TTC17: variants seen among roughly 807,000 people sequenced by gnomAD.
The protein encoded by TTC17 is tetratricopeptide repeat domain 17, also known as tetratricopeptide repeat protein 17.
In TTC17, 58 loss-of-function variants were observed where a neutral mutation model predicts 143.8. That is an observed-to-expected ratio of 0.40 (90% CI 0.33 to 0.50). The LOEUF is 0.50. TTC17 is among the 20% of genes least tolerant of loss of function. The pLI, the probability that TTC17 is intolerant of heterozygous loss-of-function variation, is 0.49. For missense variants in TTC17, 1,273 were observed against 1,392.5 expected (o/e 0.91, Z 1.37); for synonymous variants, 501 against 497.8 (o/e 1.01, Z -0.09).
At chr11:43,375,322 T>C (rs1029444703) in intron 1 of TTC17, among the ~76,000 whole-genome samples, 5 of 152,298 alleles carry the variant, frequency 3.3e-5, no homozygotes, top group African/African-American at 1.2e-4. Flanking sequence ...GAGGTGCTTT[T>C]GCCACAGGGG....
intron 21 of TTC17, among the ~76,000 whole-genome samples, chr11:43,481,649 T>A (rs1232258332): frequency 2.0e-5 from 3 of 152,184 alleles, no homozygotes; most frequent in Non-Finnish European, 4.4e-5. Flanking sequence ...CTAAATTGTT[T>A]ATTGGCAGAA....
chr11:43,386,453 G>A (rs1857173187), intron 2 of TTC17, among the ~76,000 whole-genome samples: 1 of 152,178 alleles, frequency 6.6e-6, no homozygotes, highest in Non-Finnish European at 1.5e-5. Context: ...CAGTAAAAAT[G>A]TGGTATTATA....
At chr11:43,411,505 C>T (rs1858412076) in intron 15 of TTC17, among the ~76,000 whole-genome samples, 2 of 152,080 alleles carry the variant, frequency 1.3e-5, no homozygotes, top group Non-Finnish European at 2.9e-5. Flanking sequence ...CTGACATCCC[C>T]ACACTGGACT....
At chr11:43,397,204 A>G in intron 6 of TTC17, 143 bp from the exon 7 acceptor site, 2 of 892,644 alleles carry the variant, frequency 2.2e-6, no homozygotes, top group Non-Finnish European at 3.3e-6. Context: ...ATTAAGAGCC[A>G]TCAATAATTT....
chr11:43,477,123 A>G (rs970480274), intron 21 of TTC17, among the ~76,000 whole-genome samples: 2 of 152,224 alleles, frequency 1.3e-5, no homozygotes, highest in East Asian at 1.9e-4. Context: ...TTGCTAAAAC[A>G]TAACAAGAGT....
chr11:43,402,819 T>TGTCTAATCGTAGATACAGAAATTTCC (rs1298923949), intron 10 of TTC17, among the ~76,000 whole-genome samples: 5 of 152,240 alleles, frequency 3.3e-5, no homozygotes, highest in Admixed American at 6.5e-5. Context: ...AAACTCATCA[T>TGTCTAATCGTAGATACAGAAATTTCC]GTCTAATCGT....
rs771711772 is a variant in TTC17 at position 43,391,818 on chromosome 11, C to T, written c.532-3C>T. On this transcript the variant is annotated splice_polypyrimidine_tract_variant and splice_region_variant and intron_variant, in intron 4 of 23. Transcript: ENST00000039989. ...GTCTTTTGAATCTTTTTCTTCTCTT[C>T]AGGGTGTACAGGAGAGAGTTAATCT... The T allele has an allele frequency of 2.5e-6, 4 of 1,610,976 alleles. No individual in the cohort carries two copies. The South Asian group carries it at 4.4e-5, about 18-fold the overall frequency.
chr11:43,444,295 T>C (rs1947490534), intron 18 of TTC17, 86 bp downstream of exon 18: 1 of 1,400,566 alleles, frequency 7.1e-7, no homozygotes, highest in Admixed American at 2.5e-5. Flanking sequence ...TAACTTGAAA[T>C]AGTTCAGATG....
At chr11:43,475,313 C>T (rs967981256) in intron 21 of TTC17, among the ~76,000 whole-genome samples, 4 of 152,042 alleles carry the variant, frequency 2.6e-5, no homozygotes, top group Admixed American at 6.6e-5. Context: ...AGCAGCAAAG[C>T]ATTCAAGAGG....
intron 21 of TTC17, among the ~76,000 whole-genome samples, chr11:43,480,624 A>T (rs994770336): frequency 1.3e-5 from 2 of 152,188 alleles, no homozygotes; most frequent in African/African-American, 4.8e-5. Flanking sequence ...GGAAAATAAT[A>T]ATTTGTGGGA....
At chr11:43,392,069 T>C in intron 5 of TTC17, 117 bp downstream of exon 5, 1 of 1,222,576 alleles carries the variant, frequency 8.2e-7, no homozygotes, top group Non-Finnish European at 1.1e-6. Context: ...GAAGACGATT[T>C]AAAATTACAC....
rs1858003839 is a variant in TTC17, at chr11:43,404,141, T to C, written c.1476T>C (p.Tyr492=). 6.2e-7 allele frequency: 1 copy of C among 1,606,070 alleles called. No homozygotes were observed. Among genetic ancestry groups the C allele is most frequent in the African/African-American group, 1.3e-5 (1 of 74,434 alleles). The part of the protein sequence containing the change: ...LWIWGRDSDA[Y]RDKQHILWPK... ...TTTGGGGCAGGGACTCTGATGCATA[T>C]AGGGTAAGTTAATAGAGGATGACGA... The change falls in exon 11 of 24, where the codon TAT becomes TAC. Residue 492 remains tyrosine (Y), a synonymous_variant. Coordinates refer to ENST00000039989, the MANE Select transcript of TTC17 (RefSeq NM_018259.6).
At chr11:43,379,458 ATG>A (rs72448738) in intron 2 of TTC17, 136 bp downstream of exon 2, 26,826 of 579,354 alleles carry the variant, frequency 0.046, no homozygotes, top group East Asian at 0.066. Flanking sequence ...ACTACCTGCA[ATG>A]TGTGTGTGTG....
chr11:43,381,174 T>A (rs1856954170), intron 2 of TTC17, among the ~76,000 whole-genome samples: 1 of 152,208 alleles, frequency 6.6e-6, no homozygotes, highest in South Asian at 2.1e-4. Context: ...ATACTTATAC[T>A]AAATATAAAC....
At chr11:43,410,143 A>T (rs935342075) in intron 15 of TTC17, among the ~76,000 whole-genome samples, 1 of 152,142 alleles carries the variant, frequency 6.6e-6, no homozygotes, top group Non-Finnish European at 1.5e-5. Context: ...GTGAGCCCTT[A>T]TGCCCAACCT....
intron 1 of TTC17, among the ~76,000 whole-genome samples, chr11:43,363,463 CAAG>C (rs1243236558): frequency 6.6e-6 from 1 of 152,212 alleles, no homozygotes; most frequent in Admixed American, 6.5e-5. Context: ...CTTACTGAAT[CAAG>C]AAGTTGTATT....
chr11:43,409,227 A>G (rs1858289336), intron 15 of TTC17, among the ~76,000 whole-genome samples: 1 of 152,226 alleles, frequency 6.6e-6, no homozygotes, highest in Non-Finnish European at 1.5e-5. Context: ...CAATGAATTG[A>G]TATGCCACAA....
In TTC17 at chr11:43,405,538, A is replaced by G; in HGVS notation, c.1504A>G (p.Lys502Glu). Residue 502 changes from lysine (K) to glutamate (E), a missense_variant, in exon 12 of 24, where the codon AAA becomes GAA. Physicochemically the swap from Lys to Glu is moderately conservative, Grantham distance 56. Around this residue, in one of 3 missense-constraint regions of TTC17, gnomAD observed 878 missense variants for 899.8 expected, o/e 0.98. Transcript: ENST00000039989. The stretch of plus-strand genomic sequence containing the variant: ...GGACAAACAGCATATTCTATGGCCT[A>G]AAAGAGCAGATTGTACAGAAAGCTA... ...YRDKQHILWP[K>E]RADCTESYPR... 1 of 1,613,930 alleles carries G rather than the reference A, an allele frequency of 6.2e-7. No individual in the cohort carries two copies. Among genetic ancestry groups the G allele is most frequent in the South Asian group, 1.1e-5 (1 of 91,078 alleles).
chr11:43,479,459 T>C (rs1948246209), intron 21 of TTC17, among the ~76,000 whole-genome samples: 1 of 152,132 alleles, frequency 6.6e-6, no homozygotes, highest in Non-Finnish European at 1.5e-5. Context: ...AATAGTGAAT[T>C]GCAAGCTTTG....
Sources: gnomAD v4.1 joint callset for allele counts (sites outside exome capture counted in the v4.1 genomes callset) on GRCh38, gnomAD v4.1.1 for gene constraint, gnomAD v4.1.1 regional missense constraint, MANE v1.5 for transcripts, NCBI Gene and HGNC (gene_info 2026-07-23, HGNC 2026-07-21) for gene names.